Variants in RHOD observed in about 807,000 individuals in gnomAD.
RHOD encodes the protein rho-related GTP-binding protein RhoD.
In RHOD, 11 loss-of-function variants were observed where a neutral mutation model predicts 16.7. The ratio of observed to expected loss-of-function variants is 0.66; its 90% CI spans 0.41 to 1.09. RHOD has a LOEUF of 1.09. RHOD is among the 50% of genes least tolerant of loss of function. The probability of loss-of-function intolerance (pLI) is 0.00; values close to 1 mark genes in which losing one functional copy is unlikely to be tolerated. For missense variants in RHOD, 271 were observed against 291.7 expected (o/e 0.93, Z 0.52); for synonymous variants, 124 against 126.3 (o/e 0.98, Z 0.12).
At chr11:67,064,282 T>C (rs1307646164) in intron 1 of RHOD, among the ~76,000 whole-genome samples, 1 of 150,276 alleles carries the variant, frequency 6.7e-6, no homozygotes, top group Non-Finnish European at 1.5e-5. Context: ...GGCGGGCGCC[T>C]GTAGTCCCAG....
At chr11:67,062,078 CGTG>C (rs1854900095) in intron 1 of RHOD, among the ~76,000 whole-genome samples, 1 of 152,056 alleles carries the variant, frequency 6.6e-6, no homozygotes. Context: ...TCCCTCGACA[CGTG>C]GGGATTACAA....
chr11:67,071,560 C>T lies in RHOD; in HGVS notation c.591C>T (p.Asn197=), dbSNP rs767724466. 2.5e-6 allele frequency: 4 copies of T among 1,611,454 alleles called. No individual in the cohort carries two copies. In the South Asian group the frequency reaches 4.4e-5, roughly 18 times the overall value. The change falls in exon 5 of 5, where the codon AAC becomes AAT. Residue 197 remains asparagine (N), a synonymous_variant. Coordinates refer to ENST00000308831, the MANE Select transcript of RHOD (RefSeq NM_014578.4). ...AEVALSSRGR[N]FWRRITQGFC... ...TGGCCCTCAGCAGCCGCGGTCGCAA[C>T]TTCTGGCGGCGGATTACCCAGGGCT...
At chr11:67,063,751 A>G (rs994025105) in intron 1 of RHOD, among the ~76,000 whole-genome samples, 25 of 144,124 alleles carry the variant, frequency 1.7e-4, no homozygotes, top group Non-Finnish European at 3.3e-4. Flanking sequence ...TTGACCCAAG[A>G]GATCACACCA....
chr11:67,057,614 G>A (rs1854829324), intron 1 of RHOD, among the ~76,000 whole-genome samples: 1 of 152,246 alleles, frequency 6.6e-6, no homozygotes. Context: ...GAAAGCACAT[G>A]CCATGGGCTC....
chr11:67,063,992 G>T (rs979062822), intron 1 of RHOD, among the ~76,000 whole-genome samples: 2 of 150,064 alleles, frequency 1.3e-5, no homozygotes, highest in Admixed American at 6.7e-5. Context: ...TGTAATGCCA[G>T]CTACTCGGGA....
At chr11:67,064,120 A>AGGAAAAAGAGAAGG (rs1365376614) in intron 1 of RHOD, among the ~76,000 whole-genome samples, 1 of 142,886 alleles carries the variant, frequency 7.0e-6, no homozygotes, top group African/African-American at 2.6e-5. Flanking sequence ...AAAAAAAAAA[A>AGGAAAAAGAGAAGG]AAAAGGCCGG....
chr11:67,057,646 G>A (rs904915311), intron 1 of RHOD, among the ~76,000 whole-genome samples: 30 of 152,210 alleles, frequency 2.0e-4, no homozygotes, highest in African/African-American at 7.0e-4. Flanking sequence ...GTGGGAGCAC[G>A]CCAGCTGTAG....
intron 1 of RHOD, among the ~76,000 whole-genome samples, chr11:67,057,989 CT>C (rs970436771): frequency 7.9e-5 from 12 of 151,716 alleles, no homozygotes; most frequent in South Asian, 6.3e-4. Flanking sequence ...AGCATCTCTT[CT>C]TTTTTTTTAT....
Position 67,070,333 on chromosome 11 carries a change from C to T in RHOD, c.331-92C>T, listed in dbSNP as rs539131661. On this transcript the variant is annotated intron_variant, in intron 3 of 4. Transcript: ENST00000308831. Reference sequence around the variant, plus strand: ...TTTGCTGATTATCCATATCAGAGCTCAGGCTGGGGAGCAAGAGAGTGGTCC... The same window carrying T: ...TTTGCTGATTATCCATATCAGAGCTTAGGCTGGGGAGCAAGAGAGTGGTCC... The T allele has an allele frequency of 2.2e-6, 3 of 1,370,988 alleles. No homozygotes were observed. The African/African-American group carries it at 4.3e-5, about 20-fold the overall frequency. 84.9% of individuals were successfully genotyped at this position (1,370,988 alleles called of 1,614,324 possible).
chr11:67,070,882 T>C (rs1855021526), intron 4 of RHOD, among the ~76,000 whole-genome samples: 1 of 152,020 alleles, frequency 6.6e-6, no homozygotes, highest in African/African-American at 2.4e-5. Flanking sequence ...TCTGGGTTCA[T>C]GGGAAGTTCA....
In RHOD at chr11:67,070,557, A is replaced by T; in HGVS notation, c.463A>T (p.Arg155Trp). The change falls in exon 4 of 5, where the codon AGG becomes TGG. Residue 155 changes from arginine to tryptophan, a missense_variant and splice_region_variant. Arg to Trp is a moderately radical substitution (Grantham distance 101, BLOSUM62 -3). Coordinates refer to ENST00000308831, the MANE Select transcript of RHOD (RefSeq NM_014578.4). Reference protein sequence around the residue: ...RNGLEPVTYHRGQEMARSVGA... With the variant: ...RNGLEPVTYHWGQEMARSVGA... Reference sequence around the variant, plus strand: ...CGGATTGGAGCCTGTGACCTACCACAGGGTAGGAAACCCAGCCCGAGGTGG... The same window carrying T: ...CGGATTGGAGCCTGTGACCTACCACTGGGTAGGAAACCCAGCCCGAGGTGG... 1 of 1,614,050 alleles carries T rather than the reference A, an allele frequency of 6.2e-7. No homozygotes were observed. The highest frequency in any genetic ancestry group is 1.1e-5 in the South Asian group (1 of 91,076).
rs1439145558 is a variant in RHOD at position 67,066,871 on chromosome 11, C to T, written c.330+24C>T. 4.8e-6 allele frequency: 7 copies of T among 1,466,454 alleles called. No homozygotes were observed. In the Admixed American group the frequency reaches 6.7e-5, roughly 14 times the overall value. The allele number at this position is 1,466,454 out of a possible 1,614,324, so 90.8% of individuals were successfully genotyped here. A position where few individuals can be genotyped will look rare whatever the true frequency, so the allele number is the denominator to read the frequency against. On this transcript the variant is annotated intron_variant, in intron 3 of 4. Coordinates refer to ENST00000308831, the MANE Select transcript of RHOD (RefSeq NM_014578.4). ...GGGTAGGTACTGGGGGGCAGGGAGG[C>T]ATAGCCCCCATAGCCAGGCCACTCC... is the stretch of plus-strand genomic sequence containing the variant.
intron 1 of RHOD, among the ~76,000 whole-genome samples, chr11:67,062,445 A>G (rs2136246084): frequency 6.6e-6 from 1 of 151,948 alleles, no homozygotes; most frequent in South Asian, 2.1e-4. Context: ...TGAGCAGGCA[A>G]GGGGGGATGG....
rs1855039403 is a variant in RHOD, at chr11:67,072,006, CG to C, written c.*405del. On this transcript the variant is annotated 3_prime_UTR_variant, in exon 5 of 5. Coordinates refer to ENST00000308831, the MANE Select transcript of RHOD (RefSeq NM_014578.4). ...ATACTGGTAACTGTAACAAGAAAAA[CG>C]ACATCACTTATCATTGTGTCGTGCC... 5.4e-6 allele frequency: 1 copy of C among 186,714 alleles called. No homozygotes were observed. The highest frequency in any genetic ancestry group is 6.2e-5 in the Admixed American group (1 of 16,184). The allele number at this position is 186,714 out of a possible 1,614,324, so 11.6% of individuals were successfully genotyped here.
At chr11:67,062,580 C>T (rs553343624) in intron 1 of RHOD, among the ~76,000 whole-genome samples, 1 of 152,344 alleles carries the variant, frequency 6.6e-6, no homozygotes, top group South Asian at 2.1e-4. Context: ...CCATCTTCCT[C>T]AGCTGCCCAC....
intron 1 of RHOD, among the ~76,000 whole-genome samples, chr11:67,061,751 A>ATATATAT (rs1213409425): frequency 5.1e-5 from 7 of 136,166 alleles, no homozygotes; most frequent in African/African-American, 2.0e-4. Flanking sequence ...AAAAAAAAAA[A>ATATATAT]AAAAATATAT....
rs1436871696 is a variant in RHOD, at chr11:67,066,844, C to G, written c.327C>G (p.Asn109Lys). The G allele has an allele frequency of 6.2e-7, 1 of 1,607,654 alleles. No individual in the cohort carries two copies. The highest frequency in any genetic ancestry group is 8.5e-7 in the Non-Finnish European group (1 of 1,174,160). ...TSPNSFDNIF[N>K]RWYPEVNHFC... The stretch of plus-strand genomic sequence containing the variant: ...CGAACAGCTTTGACAACATCTTTAA[C>G]CGGGTAGGTACTGGGGGGCAGGGAG... Residue 109 changes from asparagine (N) to lysine (K), a missense_variant, in exon 3 of 5, where the codon AAC becomes AAG. Coordinates refer to ENST00000308831, the MANE Select transcript of RHOD (RefSeq NM_014578.4).
chr11:67,063,323 T>G lies in RHOD; in HGVS notation c.133-2573T>G, dbSNP rs573404225. Among the ~76,000 whole-genome samples the G allele has an allele frequency of 4.0e-5, 6 of 151,788 alleles. No individual in the cohort carries two copies. The East Asian group carries it at 1.2e-3, about 30-fold the overall frequency. On this transcript the variant is annotated intron_variant, in intron 1 of 4. Coordinates refer to ENST00000308831, the MANE Select transcript of RHOD (RefSeq NM_014578.4). ...CTGGGCAACATGGCAAAACCCTGTC[T>G]CTACGAAAAAAGAAGAAAAATTAGC...
intron 1 of RHOD, 57 bp downstream of exon 1, chr11:67,057,091 G>A (rs1854822485): frequency 1.5e-6 from 2 of 1,370,632 alleles, no homozygotes; most frequent in Non-Finnish European, 9.3e-7. Context: ...GGGTGTACAG[G>A]TCCGTGCCGG....
Sources: gnomAD v4.1 joint callset for allele counts (sites outside exome capture counted in the v4.1 genomes callset) on GRCh38, gnomAD v4.1.1 for gene constraint, MANE v1.5 for transcripts, NCBI Gene and HGNC (gene_info 2026-07-23, HGNC 2026-07-21) for gene names.